The following FAM89A variants were observed in gnomAD, a reference collection of about 807,000 sequenced individuals.
FAM89A encodes the protein protein FAM89A.
A neutral mutation model predicts 7.1 loss-of-function variants in FAM89A; 10 were observed. The observed-to-expected ratio is 1.40, with a 90% CI of 0.86 to 2.38. The LOEUF (loss-of-function observed/expected upper bound fraction) is 2.38, where lower values mean the gene tolerates loss of function less well. FAM89A is among the 30% of genes most tolerant of loss of function. FAM89A has a pLI of 0.00. For missense variants in FAM89A, 276 were observed against 262.8 expected, an observed-to-expected ratio of 1.05 and a Z score of -0.35; for synonymous variants, 157 against 129.3, an observed-to-expected ratio of 1.21 and a Z score of -1.45.
chr1:231,039,798 G>A (rs2103078999), intron 1 of FAM89A, 123 bp downstream of exon 1: 1 of 1,006,760 alleles, frequency 9.9e-7, no homozygotes, highest in Non-Finnish European at 1.3e-6. Flanking sequence ...CCGGCGCCTG[G>A]GGCGGAGGAG....
intron 1 of FAM89A, among the ~76,000 whole-genome samples, chr1:231,036,458 G>C (rs984660324): frequency 1.3e-5 from 2 of 151,982 alleles, no homozygotes; most frequent in African/African-American, 4.8e-5. Context: ...GACTTTTTTG[G>C]TCTGTAGAGC....
intron 1 of FAM89A, among the ~76,000 whole-genome samples, chr1:231,034,267 T>A (rs6700792): frequency 2.0e-5 from 3 of 151,932 alleles, no homozygotes; most frequent in Admixed American, 1.3e-4. Flanking sequence ...TCTGTAGGCA[T>A]CAGAAAGAAC....
chr1:231,020,914 C>T (rs892706480), intron 1 of FAM89A, among the ~76,000 whole-genome samples: 14 of 152,196 alleles, frequency 9.2e-5, no homozygotes, highest in African/African-American at 3.4e-4. Context: ...CGGTCACAGT[C>T]AGAACAGGAA....
At chr1:231,039,827 C>G in intron 1 of FAM89A, 94 bp downstream of exon 1, 2 of 1,183,842 alleles carry the variant, frequency 1.7e-6, no homozygotes, top group South Asian at 6.5e-5. Flanking sequence ...GGCGGGTGGG[C>G]GCGGGGACTT....
chr1:231,020,222 A>AT (rs1238828874), intron 1 of FAM89A, 96 bp from the exon 2 acceptor site: 2 of 1,273,044 alleles, frequency 1.6e-6, no homozygotes, highest in East Asian at 5.0e-5. Context: ...CTGCCAGCAC[A>AT]TTCCTTCCAC....
Position 231,040,224 on chromosome 1 carries a change from C to T in FAM89A, c.-13G>A, listed in dbSNP as rs931205864. 5.8e-5 allele frequency: 61 copies of T among 1,045,244 alleles called. No homozygotes were observed. In the South Asian group the frequency reaches 2.5e-3, roughly 43 times the overall value. The allele number at this position is 1,045,244 out of a possible 1,614,324, so 64.7% of individuals were successfully genotyped here. ...GGGCCCCACTCATCGCGCCGCGGCC[C>T]GGCCACGCGCCTGCCCCGCTGCAGC... On this transcript the variant is annotated 5_prime_UTR_variant, in exon 1 of 2. Transcript: ENST00000366654.
intron 1 of FAM89A, among the ~76,000 whole-genome samples, chr1:231,033,580 C>G (rs963422748): frequency 6.6e-6 from 1 of 152,166 alleles, no homozygotes; most frequent in African/African-American, 2.4e-5. Context: ...ACAGAAATGC[C>G]AGGGCTATTG....
intron 1 of FAM89A, chr1:231,026,955 C>T (rs4378191): frequency 0.41 from 62,687 of 152,068 alleles, 15,524 homozygotes; most frequent in Non-Finnish European, 0.54. Context: ...CCCTCTGACA[C>T]CAGTAGGGTG....
chr1:231,024,239 A>C (rs1679925191), intron 1 of FAM89A, among the ~76,000 whole-genome samples: 1 of 152,146 alleles, frequency 6.6e-6, no homozygotes, highest in South Asian at 2.1e-4. Context: ...GCGCATGTAG[A>C]AAAGCACACA....
chr1:231,040,229 A>T lies in FAM89A; in HGVS notation c.-18T>A. On this transcript the variant is annotated 5_prime_UTR_variant, in exon 1 of 2. Coordinates refer to ENST00000366654, the MANE Select transcript of FAM89A (RefSeq NM_198552.3). ...CCACTCATCGCGCCGCGGCCCGGCC[A>T]CGCGCCTGCCCCGCTGCAGCGAACC... The T allele has an allele frequency of 1.9e-6, 2 of 1,036,164 alleles. No homozygotes were observed. The highest frequency in any genetic ancestry group is 4.6e-4 in the Middle Eastern group (1 of 2,180). The allele number at this position is 1,036,164 out of a possible 1,614,324, so 64.2% of individuals were successfully genotyped here.
rs186289648 is a variant in FAM89A, at chr1:231,032,615, C to T, written c.291+7306G>A. Among the ~76,000 whole-genome samples, 110 of 107,244 alleles carry T rather than the reference C, an allele frequency of 1.0e-3. 1 individual carries two copies. In the Middle Eastern group the frequency reaches 0.035, roughly 35 times the overall value. 70.4% of individuals were successfully genotyped at this position (107,244 alleles called of 152,430 possible). On this transcript the variant is annotated intron_variant, in intron 1 of 1. Transcript: ENST00000366654. Reference sequence around the variant, plus strand: ...TCCAATTTTAATTGCAATTGAGAGTCCCAAAGAGCTTTTGTTTATGTGAGC... The same window carrying T: ...TCCAATTTTAATTGCAATTGAGAGTTCCAAAGAGCTTTTGTTTATGTGAGC...
intron 1 of FAM89A, among the ~76,000 whole-genome samples, chr1:231,023,245 G>A (rs1355366776): frequency 1.3e-5 from 2 of 152,198 alleles, no homozygotes; most frequent in Non-Finnish European, 2.9e-5. Flanking sequence ...GAAGCCCACT[G>A]GGCTTGGATG....
intron 1 of FAM89A, among the ~76,000 whole-genome samples, chr1:231,031,919 T>C (rs1194144430): frequency 6.6e-6 from 1 of 152,154 alleles, no homozygotes; most frequent in Non-Finnish European, 1.5e-5. Flanking sequence ...AAGGTACACT[T>C]GTGAATATGA....
At chr1:231,029,278 C>T (rs1392893072) in intron 1 of FAM89A, among the ~76,000 whole-genome samples, 2 of 152,088 alleles carry the variant, frequency 1.3e-5, no homozygotes, top group Non-Finnish European at 2.9e-5. Context: ...TGCTTGAGCC[C>T]AGGAGTTCCA....
intron 1 of FAM89A, among the ~76,000 whole-genome samples, chr1:231,035,006 G>C (rs754219180): frequency 2.0e-5 from 3 of 152,154 alleles, no homozygotes; most frequent in African/African-American, 7.2e-5. Context: ...CGCCAATCAA[G>C]AATGCTGCAC....
chr1:231,029,775 T>TA (rs1479625169), intron 1 of FAM89A, among the ~76,000 whole-genome samples: 1 of 152,210 alleles, frequency 6.6e-6, no homozygotes, highest in Non-Finnish European at 1.5e-5. Flanking sequence ...AGTTATCTTT[T>TA]AAAAACACAA....
At chr1:231,027,308 A>T (rs1679990971) in intron 1 of FAM89A, among the ~76,000 whole-genome samples, 1 of 152,202 alleles carries the variant, frequency 6.6e-6, no homozygotes, top group South Asian at 2.1e-4. Context: ...TGACTCACAA[A>T]GCTGCCTTGT....
At position 231,019,926 on chromosome 1, in the gene FAM89A, A is replaced by G. The variant is rs776213124; in HGVS notation, c.492T>C (p.Pro164=). Residue 164 remains proline, a synonymous_variant, in exon 2 of 2, where the codon CCT becomes CCC. Transcript: ENST00000366654. The part of the protein sequence containing the change: ...SLHDRRDRGP[P]RDLSLPVSSL... Reference sequence around the variant, plus strand: ...AGGAGACAGGCAGTGACAAGTCCCGAGGAGGGCCTCGGTCCCTCCTGTCGT... The same window carrying G: ...AGGAGACAGGCAGTGACAAGTCCCGGGGAGGGCCTCGGTCCCTCCTGTCGT... 2 of 1,614,182 alleles carry G rather than the reference A, an allele frequency of 1.2e-6. No homozygotes were observed. Among genetic ancestry groups the G allele is most frequent in the South Asian group, 2.2e-5 (2 of 91,080 alleles).
intron 1 of FAM89A, chr1:231,026,817 G>A (rs1679983939): frequency 6.6e-6 from 1 of 152,006 alleles, no homozygotes; most frequent in African/African-American, 2.4e-5. Flanking sequence ...CCCTATCTTT[G>A]CTAGGATTTC....
Sources: allele counts gnomAD v4.1 joint callset (sites outside exome capture counted in the v4.1 genomes callset), GRCh38; gene constraint gnomAD v4.1.1; transcripts MANE v1.5; gene names NCBI Gene and HGNC (gene_info 2026-07-23, HGNC 2026-07-21).